The following SEMA5A variants were observed in gnomAD, a reference collection of about 807,000 sequenced individuals.
The protein encoded by SEMA5A is semaphorin-5A.
SEMA5A carries 55 observed loss-of-function variants against 135.5 expected under a neutral mutation model. The observed-to-expected ratio is 0.41, with a 90% CI of 0.33 to 0.51. The LOEUF (loss-of-function observed/expected upper bound fraction) is 0.51, where lower values mean the gene tolerates loss of function less well. SEMA5A is among the 20% of genes least tolerant of loss of function. The pLI, the probability that SEMA5A is intolerant of heterozygous loss-of-function variation, is 0.37. For synonymous variants in SEMA5A, 580 were observed against 546.5 expected (o/e 1.06, Z -0.85); for missense variants, 1,290 against 1,419.9 (o/e 0.91, Z 1.47).
chr5:9,372,227 T>C (rs1436706400), intron 3 of SEMA5A, among the ~76,000 whole-genome samples: 1 of 152,230 alleles, frequency 6.6e-6, no homozygotes, highest in Non-Finnish European at 1.5e-5. Flanking sequence ...TGTATCCTAA[T>C]GAAGAGGCTA....
At chr5:9,202,639 C>T (rs1390239263) in intron 8 of SEMA5A, among the ~76,000 whole-genome samples, 1 of 152,178 alleles carries the variant, frequency 6.6e-6, no homozygotes, top group African/African-American at 2.4e-5. Flanking sequence ...AAATGTGGTT[C>T]AGAATATAGC....
chr5:9,178,083 A>C (rs893042285), intron 11 of SEMA5A, among the ~76,000 whole-genome samples: 1 of 152,168 alleles, frequency 6.6e-6, no homozygotes, highest in African/African-American at 2.4e-5. Context: ...TCCTCAAAAA[A>C]AATTTAGTTG....
intron 8 of SEMA5A, among the ~76,000 whole-genome samples, chr5:9,203,593 A>G (rs1805973): frequency 0.062 from 9,397 of 152,280 alleles, 359 homozygotes; most frequent in Middle Eastern, 0.11. Flanking sequence ...CCAATTTTCA[A>G]TCAATACCTA....
intron 5 of SEMA5A, among the ~76,000 whole-genome samples, chr5:9,270,696 GC>G (rs1253761622): frequency 6.6e-6 from 1 of 151,954 alleles, no homozygotes; most frequent in African/African-American, 2.4e-5. Flanking sequence ...TGATGTTGGG[GC>G]AGCGGGTGGG....
chr5:9,312,865 C>G (rs187679716), intron 5 of SEMA5A, among the ~76,000 whole-genome samples: 1 of 152,152 alleles, frequency 6.6e-6, no homozygotes, highest in Non-Finnish European at 1.5e-5. Context: ...TGGGAGCCAC[C>G]CCACAAAAGC....
chr5:9,107,825 C>A (rs1367364591), intron 16 of SEMA5A, among the ~76,000 whole-genome samples: 1 of 152,000 alleles, frequency 6.6e-6, no homozygotes, highest in African/African-American at 2.4e-5. Context: ...TGCAGAAGAT[C>A]CAGTGTGTGA....
intron 6 of SEMA5A, among the ~76,000 whole-genome samples, chr5:9,230,099 C>T (rs1435514193): frequency 1.3e-5 from 2 of 151,704 alleles, no homozygotes; most frequent in Admixed American, 6.6e-5. Context: ...ATCCTCTCAC[C>T]TCAGTCTCCC....
chr5:9,116,832 T>G (rs772578685), intron 15 of SEMA5A, among the ~76,000 whole-genome samples: 16 of 152,246 alleles, frequency 1.1e-4, no homozygotes, highest in Admixed American at 5.2e-4. Flanking sequence ...AGAATGCTTT[T>G]ATATTTCTTA....
intron 6 of SEMA5A, among the ~76,000 whole-genome samples, chr5:9,231,229 C>A (rs978262626): frequency 2.6e-5 from 4 of 151,864 alleles, no homozygotes; most frequent in African/African-American, 9.7e-5. Context: ...CACTTTGGAA[C>A]GCCAAGGCAG....
intron 16 of SEMA5A, among the ~76,000 whole-genome samples, chr5:9,075,555 G>T (rs1400212399): frequency 4.0e-5 from 1 of 25,262 alleles, no homozygotes; most frequent in Non-Finnish European, 1.7e-4. Context: ...AAAAAAGCCA[G>T]CAAAAAAAAA....
chr5:9,234,317 G>A (rs866737109), intron 6 of SEMA5A, among the ~76,000 whole-genome samples: 1 of 152,194 alleles, frequency 6.6e-6, no homozygotes, highest in Non-Finnish European at 1.5e-5. Flanking sequence ...TGTCCCAGGA[G>A]CTGGGCTTGG....
At chr5:9,188,594 A>G (rs767822268) in intron 11 of SEMA5A, among the ~76,000 whole-genome samples, 2 of 152,068 alleles carry the variant, frequency 1.3e-5, no homozygotes, top group African/African-American at 2.4e-5. Context: ...GAAGTCCTCA[A>G]CTGCCTCCTA....
intron 1 of SEMA5A, among the ~76,000 whole-genome samples, chr5:9,539,625 T>C (rs1176622065): frequency 6.6e-6 from 1 of 152,204 alleles, no homozygotes; most frequent in African/African-American, 2.4e-5. Context: ...CCCAAAATGC[T>C]TGGGACCAGA....
At chr5:9,241,695 C>G (rs1004683469) in intron 5 of SEMA5A, among the ~76,000 whole-genome samples, 1 of 152,050 alleles carries the variant, frequency 6.6e-6, no homozygotes, top group Non-Finnish European at 1.5e-5. Flanking sequence ...CACAGACATA[C>G]TACGGTTAGG....
At chr5:9,388,479 A>G (rs912020278) in intron 2 of SEMA5A, among the ~76,000 whole-genome samples, 2 of 151,968 alleles carry the variant, frequency 1.3e-5, no homozygotes, top group Non-Finnish European at 2.9e-5. Context: ...GAAAAAAAAA[A>G]AAAAGAAAAA....
At chr5:9,104,481 T>C (rs892976676) in intron 16 of SEMA5A, among the ~76,000 whole-genome samples, 8 of 152,184 alleles carry the variant, frequency 5.3e-5, no homozygotes, top group African/African-American at 1.9e-4. Flanking sequence ...GTTACTATTG[T>C]CAAAATAGGG....
intron 13 of SEMA5A, among the ~76,000 whole-genome samples, chr5:9,133,439 A>T (rs180872772): frequency 4.7e-4 from 71 of 152,298 alleles, no homozygotes; most frequent in African/African-American, 1.6e-3. Flanking sequence ...TGCTTAACTT[A>T]TCTAAAGTGT....
At chr5:9,385,485 A>G (rs1561209206) in intron 2 of SEMA5A, among the ~76,000 whole-genome samples, 1 of 152,204 alleles carries the variant, frequency 6.6e-6, no homozygotes, top group South Asian at 2.1e-4. Context: ...AAAGATGGAT[A>G]TAGCCTAATC....
chr5:9,512,649 G>A (rs1318280474), intron 1 of SEMA5A, among the ~76,000 whole-genome samples: 1 of 152,016 alleles, frequency 6.6e-6, no homozygotes, highest in African/African-American at 2.4e-5. Flanking sequence ...GAGTATTCTG[G>A]AAAGATCTCA....
Sources: allele counts gnomAD v4.1 joint callset (sites outside exome capture counted in the v4.1 genomes callset), GRCh38; gene constraint gnomAD v4.1.1; transcripts MANE v1.5; gene names NCBI Gene and HGNC (gene_info 2026-07-23, HGNC 2026-07-21).